DYTN: variants seen among roughly 807,000 people sequenced by gnomAD.
DYTN encodes dystrotelin.
In DYTN, 75 loss-of-function variants were observed where a neutral mutation model predicts 69.6. That is an observed-to-expected ratio of 1.08 (90% CI 0.89 to 1.31). DYTN has a LOEUF of 1.31. DYTN is among the 50% of genes most tolerant of loss of function. DYTN has a pLI of 0.00. For synonymous variants in DYTN, 252 were observed against 249.1 expected (o/e 1.01, Z -0.11); for missense variants, 726 against 688.4 (o/e 1.05, Z -0.61).
Position 206,665,875 on chromosome 2 carries a change from G to A in DYTN, c.1135C>T (p.Leu379=), listed in dbSNP as rs1419196163. 1.2e-6 allele frequency: 2 copies of A among 1,613,492 alleles called. No individual in the cohort carries two copies. The highest frequency in any genetic ancestry group is 4.5e-5 in the East Asian group (2 of 44,854). ...WTKLQQIRRD[L]QARLQPPGPS... ...GTGTCCCTCACATTTTATACCTGTA[G>A]GTCCCGTCTTATCTGTTGTAGCTTG... The change falls in exon 10 of 12, where the codon CTA becomes TTA. Residue 379 remains leucine, a synonymous_variant. Coordinates refer to ENST00000452335, the MANE Select transcript of DYTN (RefSeq NM_001093730.1).
intron 9 of DYTN, among the ~76,000 whole-genome samples, chr2:206,690,352 T>A (rs1699851847): frequency 6.6e-6 from 1 of 151,922 alleles, no homozygotes; most frequent in Non-Finnish European, 1.5e-5. Flanking sequence ...CAAGAGCTGG[T>A]GGGGAACAGG....
intron 1 of DYTN, among the ~76,000 whole-genome samples, chr2:206,710,827 A>G (rs1425948359): frequency 1.3e-5 from 2 of 152,128 alleles, no homozygotes; most frequent in African/African-American, 4.8e-5. Flanking sequence ...GTGACGGAAT[A>G]CTCCATCAAT....
intron 9 of DYTN, among the ~76,000 whole-genome samples, chr2:206,675,466 C>T (rs945000790): frequency 6.6e-6 from 1 of 151,564 alleles, no homozygotes; most frequent in Admixed American, 6.6e-5. Context: ...AAAGCCATAG[C>T]TTTCCAAAAT....
intron 2 of DYTN, among the ~76,000 whole-genome samples, chr2:206,709,651 G>A (rs187114276): frequency 1.2e-3 from 182 of 152,146 alleles, no homozygotes; most frequent in Admixed American, 4.1e-3. Flanking sequence ...GAAAACCACT[G>A]CCCTATATAA....
chr2:206,672,486 A>T (rs370744439), intron 9 of DYTN, among the ~76,000 whole-genome samples: 1 of 152,208 alleles, frequency 6.6e-6, no homozygotes, highest in South Asian at 2.1e-4. Flanking sequence ...TCTGTCGCAC[A>T]CTCTAGCATG....
At chr2:206,656,855 C>A (rs921705231) in intron 11 of DYTN, among the ~76,000 whole-genome samples, 1 of 151,624 alleles carries the variant, frequency 6.6e-6, no homozygotes, top group African/African-American at 2.4e-5. Flanking sequence ...CTCTGCCTCC[C>A]GGGTTCAAGT....
chr2:206,706,587 G>A (rs72960715), intron 3 of DYTN, among the ~76,000 whole-genome samples: 47,894 of 151,618 alleles, frequency 0.32, 7,679 homozygotes, highest in East Asian at 0.43. Flanking sequence ...GCTGATGGGT[G>A]ATAATGTATT....
intron 3 of DYTN, 138 bp downstream of exon 3, chr2:206,707,164 A>C: frequency 9.4e-7 from 1 of 1,061,756 alleles, no homozygotes; most frequent in Admixed American, 2.6e-5. Flanking sequence ...CTCCTGAGGA[A>C]TAAATTTGTG....
chr2:206,690,792 A>C (rs1407202103), intron 9 of DYTN, among the ~76,000 whole-genome samples: 1 of 152,220 alleles, frequency 6.6e-6, no homozygotes, highest in East Asian at 1.9e-4. Context: ...GTGTAGTTAC[A>C]AACTATGACA....
chr2:206,684,909 A>C (rs1222612992), intron 9 of DYTN, among the ~76,000 whole-genome samples: 1 of 152,214 alleles, frequency 6.6e-6, no homozygotes, highest in African/African-American at 2.4e-5. Context: ...TGACTCAGAT[A>C]ATAAGTTTTA....
At chr2:206,697,007 G>A (rs1699925500) in intron 7 of DYTN, among the ~76,000 whole-genome samples, 1 of 152,170 alleles carries the variant, frequency 6.6e-6, no homozygotes, top group Admixed American at 6.5e-5. Context: ...AACTTTAAAA[G>A]TTGTTCAACA....
intron 9 of DYTN, among the ~76,000 whole-genome samples, chr2:206,686,002 G>T: frequency 7.1e-6 from 1 of 141,510 alleles, no homozygotes. Context: ...AAAAAAAAAA[G>T]CTACACATTT....
At chr2:206,694,209 C>T (rs558537678) in intron 8 of DYTN, among the ~76,000 whole-genome samples, 35 of 152,226 alleles carry the variant, frequency 2.3e-4, no homozygotes, top group African/African-American at 8.2e-4. Flanking sequence ...TTACAAAGAA[C>T]TGAATTCACT....
intron 1 of DYTN, among the ~76,000 whole-genome samples, chr2:206,714,542 G>C (rs1253289921): frequency 1.3e-5 from 2 of 152,124 alleles, no homozygotes; most frequent in African/African-American, 4.8e-5. Flanking sequence ...TGTATGAAAA[G>C]ATGGACAGGC....
At chr2:206,704,694 T>G in intron 5 of DYTN, 149 bp downstream of exon 5, 1 of 657,526 alleles carries the variant, frequency 1.5e-6, no homozygotes, top group Non-Finnish European at 2.6e-6. Flanking sequence ...TTAAGTTATA[T>G]TCAAGTAACA....
chr2:206,694,833 C>T lies in DYTN; in HGVS notation c.764G>A (p.Cys255Tyr). The T allele has an allele frequency of 6.2e-7, 1 of 1,608,984 alleles. No homozygotes were observed. The highest frequency in any genetic ancestry group is 2.2e-5 in the East Asian group (1 of 44,664). ...KCLNFDICQM[C>Y]FLSGLHSKSH... ...CTTGCTGTGAAGACCAGATAAGAAA[C>T]ACATCTGGCAGATGTCAAAGTTGAG... is the stretch of plus-strand genomic sequence containing the variant. The change falls in exon 8 of 12, where the codon TGT becomes TAT. Residue 255 changes from cysteine to tyrosine, a missense_variant. Transcript: ENST00000452335.
intron 11 of DYTN, among the ~76,000 whole-genome samples, chr2:206,655,512 C>T (rs1699437716): frequency 6.6e-6 from 1 of 152,056 alleles, no homozygotes; most frequent in African/African-American, 2.4e-5. Context: ...CAGGCTCAGG[C>T]CATCCTCCTG....
At chr2:206,697,027 G>A (rs540517926) in intron 7 of DYTN, among the ~76,000 whole-genome samples, 13 of 152,198 alleles carry the variant, frequency 8.5e-5, no homozygotes, top group African/African-American at 2.9e-4. Flanking sequence ...ATACATAAAT[G>A]GGAAGACATT....
chr2:206,705,865 G>A lies in DYTN; in HGVS notation c.305C>T (p.Thr102Ile). ...LLTTMYNSKG[T>I]GFLQLMPAAA... is the part of the protein sequence containing the mutation. ...CGCAGGCATAAGCTGGAGAAAACCT[G>A]TTCCTTTGCTGCACAGTAACAAAAT... Residue 102 changes from threonine (T) to isoleucine (I), a missense_variant, in exon 4 of 12, where the codon ACA (threonine) becomes ATA (isoleucine). Coordinates refer to ENST00000452335, the MANE Select transcript of DYTN (RefSeq NM_001093730.1). 6.2e-7 allele frequency: 1 copy of A among 1,613,806 alleles called. No individual in the cohort carries two copies. Among genetic ancestry groups the A allele is most frequent in the East Asian group, 2.2e-5 (1 of 44,862 alleles).
Sources: allele counts gnomAD v4.1 joint callset (sites outside exome capture counted in the v4.1 genomes callset), GRCh38; gene constraint gnomAD v4.1.1; transcripts MANE v1.5; gene names NCBI Gene and HGNC (gene_info 2026-07-23, HGNC 2026-07-21).